The following CFAP299 variants were observed in gnomAD, a reference collection of about 807,000 sequenced individuals.
The protein encoded by CFAP299 is cilia- and flagella-associated protein 299.
Under a neutral mutation model 27.0 loss-of-function variants are expected in CFAP299, and 21 were observed. That is an observed-to-expected ratio of 0.78 (90% CI 0.55 to 1.12). The LOEUF (loss-of-function observed/expected upper bound fraction) is 1.12. CFAP299 is among the 50% of genes most tolerant of loss of function. The pLI is 0.00. For synonymous variants in CFAP299, 104 were observed against 98.1 expected (o/e 1.06, Z -0.36); for missense variants, 310 against 276.6 (o/e 1.12, Z -0.86).
the CFAP299 span, among the ~76,000 whole-genome samples, chr4:80,325,492 T>C: frequency 6.6e-6 from 1 of 152,248 alleles, no homozygotes; most frequent in Non-Finnish European, 1.5e-5. Flanking sequence ...TCTTATCCGT[T>C]TTTGCATTTG....
chr4:80,344,825 G>A (rs1722644584), intron 1 of CFAP299, among the ~76,000 whole-genome samples: 1 of 152,122 alleles, frequency 6.6e-6, no homozygotes, highest in Non-Finnish European at 1.5e-5. Context: ...TGGGATGCAA[G>A]GTTGGTTCAA....
intron 2 of CFAP299, among the ~76,000 whole-genome samples, chr4:80,394,382 A>C (rs1216885232): frequency 6.7e-6 from 1 of 148,864 alleles, no homozygotes; most frequent in African/African-American, 2.5e-5. Flanking sequence ...CTCATTCTGT[A>C]GGTTGTTCCT....
At chr4:80,837,377 CT>C (rs1730620162) in intron 3 of CFAP299, among the ~76,000 whole-genome samples, 1 of 152,106 alleles carries the variant, frequency 6.6e-6, no homozygotes, top group African/African-American at 2.4e-5. Flanking sequence ...TGGTGGTTTG[CT>C]GCACCCATCA....
At chr4:80,366,982 A>G (rs1452117173) in intron 2 of CFAP299, among the ~76,000 whole-genome samples, 1 of 152,212 alleles carries the variant, frequency 6.6e-6, no homozygotes, top group Non-Finnish European at 1.5e-5. Flanking sequence ...GATACCATTT[A>G]TATAAAATGT....
chr4:80,433,249 A>G (rs1727911227), intron 2 of CFAP299, among the ~76,000 whole-genome samples: 1 of 152,192 alleles, frequency 6.6e-6, no homozygotes, highest in South Asian at 2.1e-4. Context: ...GGTACCCTGT[A>G]CTTGAGTAAT....
intron 2 of CFAP299, among the ~76,000 whole-genome samples, chr4:80,393,873 C>T (rs1231933713): frequency 5.9e-5 from 9 of 152,008 alleles, no homozygotes; most frequent in Non-Finnish European, 8.8e-5. Flanking sequence ...ATTTTAATCC[C>T]CATAATCCCC....
intron 3 of CFAP299, among the ~76,000 whole-genome samples, chr4:80,775,371 C>T (rs563804207): frequency 4.9e-4 from 74 of 152,046 alleles, no homozygotes; most frequent in Non-Finnish European, 8.1e-4. Context: ...TATATCTCAT[C>T]TTCAATGAGC....
intron 3 of CFAP299, among the ~76,000 whole-genome samples, chr4:80,811,948 A>T (rs902187003): frequency 6.6e-6 from 1 of 152,088 alleles, no homozygotes; most frequent in African/African-American, 2.4e-5. Context: ...ATATAAAGAG[A>T]TATAAGCTTG....
At chr4:80,809,422 T>C (rs1447884556) in intron 3 of CFAP299, among the ~76,000 whole-genome samples, 1 of 152,152 alleles carries the variant, frequency 6.6e-6, no homozygotes, top group African/African-American at 2.4e-5. Flanking sequence ...GATGATGTTT[T>C]ATACTTTTTC....
intron 4 of CFAP299, among the ~76,000 whole-genome samples, chr4:80,880,237 A>T (rs1354801593): frequency 1.3e-5 from 2 of 152,254 alleles, no homozygotes; most frequent in East Asian, 3.9e-4. Flanking sequence ...CAAATTAGGA[A>T]GTCTTCTTGA....
At chr4:80,581,453 G>GATTATATATAT (rs1553936102) in intron 2 of CFAP299, among the ~76,000 whole-genome samples, 5 of 103,030 alleles carry the variant, frequency 4.9e-5, no homozygotes, top group African/African-American at 3.1e-4. Context: ...TATTAAGTGA[G>GATTATATATAT]ATATATATAT....
chr4:80,364,101 C>CACACACACACACACACACACAG (rs1263859158), intron 2 of CFAP299, among the ~76,000 whole-genome samples: 1 of 150,774 alleles, frequency 6.6e-6, no homozygotes, highest in South Asian at 2.1e-4. Flanking sequence ...CACACACACA[C>CACACACACACACACACACACAG]ACACACACAC....
intron 3 of CFAP299, among the ~76,000 whole-genome samples, chr4:80,636,679 A>G (rs2109953995): frequency 6.6e-6 from 1 of 152,310 alleles, no homozygotes; most frequent in South Asian, 2.1e-4. Flanking sequence ...ATAGACTGAG[A>G]TAGAGCAGGA....
intron 2 of CFAP299, among the ~76,000 whole-genome samples, chr4:80,373,097 C>T (rs1724227105): frequency 6.6e-6 from 1 of 152,090 alleles, no homozygotes; most frequent in Non-Finnish European, 1.5e-5. Context: ...ACATTTCAGT[C>T]AATGATCCCT....
intron 2 of CFAP299, among the ~76,000 whole-genome samples, chr4:80,379,932 G>A (rs1452173262): frequency 6.6e-6 from 1 of 151,972 alleles, no homozygotes; most frequent in Non-Finnish European, 1.5e-5. Flanking sequence ...GCTTGATTGT[G>A]TTGTTCAGGC....
chr4:80,391,182 T>C (rs1448212582), intron 2 of CFAP299, among the ~76,000 whole-genome samples: 4 of 152,118 alleles, frequency 2.6e-5, no homozygotes, highest in African/African-American at 9.7e-5. Context: ...CTGCAGTGAA[T>C]ATGGGAGTGC....
intron 2 of CFAP299, among the ~76,000 whole-genome samples, chr4:80,363,738 A>G (rs934617909): frequency 6.6e-6 from 1 of 152,124 alleles, no homozygotes; most frequent in African/African-American, 2.4e-5. Context: ...ATATTTGGGA[A>G]TATATTAGTT....
At chr4:80,633,220 G>A (rs538935893) in intron 3 of CFAP299, among the ~76,000 whole-genome samples, 19 of 152,246 alleles carry the variant, frequency 1.2e-4, no homozygotes, top group South Asian at 4.1e-4. Context: ...AGGCCGAGGC[G>A]GGCGGATCAC....
At chr4:80,553,404 A>G (rs1186157440) in intron 2 of CFAP299, among the ~76,000 whole-genome samples, 1 of 152,188 alleles carries the variant, frequency 6.6e-6, no homozygotes, top group Admixed American at 6.5e-5. Flanking sequence ...CCAATCTGTC[A>G]TTGATAGGCA....
Sources: gnomAD v4.1 joint callset for allele counts (sites outside exome capture counted in the v4.1 genomes callset) on GRCh38, gnomAD v4.1.1 for gene constraint, MANE v1.5 for transcripts, NCBI Gene and HGNC (gene_info 2026-07-23, HGNC 2026-07-21) for gene names.